Variants in NUP205 observed in about 807,000 individuals in gnomAD.
NUP205 encodes nuclear pore complex protein Nup205.
NUP205 carries 76 observed loss-of-function variants against 253.8 expected under a neutral mutation model. The observed-to-expected ratio is 0.30, with a 90% CI of 0.25 to 0.36. The LOEUF (loss-of-function observed/expected upper bound fraction) is 0.36, where lower values mean the gene tolerates loss of function less well. Among genes scored for constraint, NUP205 ranks in the 10% least tolerant of loss-of-function variants. The pLI is 1.00. For synonymous variants in NUP205, 832 were observed against 850.1 expected (o/e 0.98, Z 0.37); for missense variants, 2,162 against 2,425.5 (o/e 0.89, Z 2.28).
In NUP205 at chr7:135,573,748, A is replaced by G; in HGVS notation, c.266A>G (p.Gln89Arg). The G allele has an allele frequency of 6.2e-7, 1 of 1,613,978 alleles. No individual in the cohort carries two copies. The highest frequency in any genetic ancestry group is 1.1e-5 in the South Asian group (1 of 91,070). Residue 89 changes from glutamine (Q) to arginine (R), a missense_variant, in exon 3 of 43, where the codon CAG becomes CGG. Around this residue, in one of 5 missense-constraint regions of NUP205, gnomAD observed 109 missense variants for 131.8 expected, o/e 0.83. Coordinates refer to ENST00000285968, the MANE Select transcript of NUP205 (RefSeq NM_015135.3). ...CAGGGAACTCGACTTCTTCCTGAACAGCTCATTAAAGAAGCCTTTATTCTC... is the reference window on the plus strand; with the variant it reads ...CAGGGAACTCGACTTCTTCCTGAACGGCTCATTAAAGAAGCCTTTATTCTC... ...GQQGTRLLPEQLIKEAFILSD... is the reference protein window; with the variant it reads ...GQQGTRLLPERLIKEAFILSD...
intron 36 of NUP205, among the ~76,000 whole-genome samples, chr7:135,636,480 A>T (rs1180342002): frequency 6.6e-6 from 1 of 152,016 alleles, no homozygotes; most frequent in African/African-American, 2.4e-5. Context: ...AAAAGATTGT[A>T]CTCTCACCCA....
At chr7:135,576,232 G>A in intron 3 of NUP205, 38 bp from the exon 4 acceptor site, 2 of 1,584,096 alleles carry the variant, frequency 1.3e-6, no homozygotes, top group South Asian at 1.1e-5. Context: ...ACACATACGT[G>A]TTTATTAACA....
chr7:135,574,392 T>C (rs1470122001), intron 3 of NUP205, among the ~76,000 whole-genome samples: 5 of 152,164 alleles, frequency 3.3e-5, no homozygotes, highest in Non-Finnish European at 5.9e-5. Context: ...AGGTGGAGGC[T>C]GGCTAGTGCA....
At chr7:135,593,331 AGTTTTTT>A (rs1365700922) in intron 12 of NUP205, 139 bp downstream of exon 12, 2 of 769,452 alleles carry the variant, frequency 2.6e-6, no homozygotes, top group Non-Finnish European at 4.1e-6. Flanking sequence ...TCTGCCCTTA[AGTTTTTT>A]GTTTTTTGAC....
rs373590569 is a variant in NUP205 at position 135,570,052 on chromosome 7, T to TAGAG, written c.29-1013_29-1010dup. On this transcript the variant is annotated intron_variant, in intron 1 of 42. Transcript: ENST00000285968. ...TTTTATATATATATATATATATATATAGAGAGAGAGAGAGAGAGAGAGAGA... is the reference window on the plus strand; with the variant it reads ...TTTTATATATATATATATATATATATAGAGAGAGAGAGAGAGAGAGAGAGAGAGA... Among the ~76,000 whole-genome samples, 582 of 79,154 alleles carry TAGAG rather than the reference T, an allele frequency of 7.4e-3. 3 individuals are homozygous for TAGAG. Among genetic ancestry groups the TAGAG allele is most frequent in the African/African-American group, 0.014 (276 of 19,104 alleles). 51.9% of individuals were successfully genotyped at this position (79,154 alleles called of 152,430 possible).
intron 34 of NUP205, among the ~76,000 whole-genome samples, chr7:135,628,992 G>T (rs1794650523): frequency 6.6e-6 from 1 of 152,176 alleles, no homozygotes; most frequent in East Asian, 1.9e-4. Flanking sequence ...TTTAGTAGAA[G>T]TGGGACATTA....
At position 135,570,696 on chromosome 7, in the gene NUP205, A is replaced by AATTAATATAT. The variant is rs1554456424; in HGVS notation, c.29-403_29-402insATATATTAAT. Among the ~76,000 whole-genome samples the AATTAATATAT allele has an allele frequency of 2.3e-4, 12 of 52,492 alleles. 2 individuals are homozygous for AATTAATATAT. In the East Asian group the frequency reaches 8.1e-3, roughly 35 times the overall value. 34.4% of individuals were successfully genotyped at this position (52,492 alleles called of 152,430 possible). ...TAATATATATTAATTATATTAATAT[A>AATTAATATAT]ATTAATTATATTAATATAATTAATT... On this transcript the variant is annotated intron_variant, in intron 1 of 42. Transcript: ENST00000285968.
chr7:135,590,005 T>C (rs1283692539), intron 10 of NUP205, among the ~76,000 whole-genome samples: 2 of 151,338 alleles, frequency 1.3e-5, no homozygotes, highest in African/African-American at 4.9e-5. Flanking sequence ...ATTTGAAACA[T>C]GTGGAAGAGG....
intron 17 of NUP205, 33 bp from the exon 18 acceptor site, chr7:135,602,772 T>A: frequency 1.3e-6 from 2 of 1,539,518 alleles, no homozygotes; most frequent in Non-Finnish European, 1.8e-6. Context: ...TAAGATAAAT[T>A]TAGAACTTTC....
chr7:135,639,458 G>A (rs745950126), intron 38 of NUP205, among the ~76,000 whole-genome samples: 2 of 152,156 alleles, frequency 1.3e-5, no homozygotes, highest in Non-Finnish European at 2.9e-5. Context: ...GAGAGGCCGA[G>A]GCAGGCAGAT....
Position 135,594,745 on chromosome 7 carries a change from C to T in NUP205, c.2013+16C>T, listed in dbSNP as rs1470468876. On this transcript the variant is annotated intron_variant, in intron 13 of 42. Transcript: ENST00000285968. ...ATACACTCAGGTAGGGCTCTGAAGT[C>T]CCTTATTTATATTATCCCAATGTGG... The T allele has an allele frequency of 2.5e-6, 4 of 1,586,050 alleles. No individual in the cohort carries two copies. The Admixed American group carries it at 5.4e-5, about 21-fold the overall frequency.
intron 15 of NUP205, among the ~76,000 whole-genome samples, chr7:135,599,823 A>G (rs372349992): frequency 2.0e-5 from 3 of 152,166 alleles, no homozygotes; most frequent in South Asian, 2.1e-4. Flanking sequence ...TCTAATTTAT[A>G]TGACTATTTT....
intron 36 of NUP205, 62 bp downstream of exon 36, chr7:135,635,719 C>T: frequency 1.1e-6 from 1 of 916,962 alleles, no homozygotes; most frequent in Non-Finnish European, 1.7e-6. Context: ...ATACCATCCT[C>T]CCCATTGTGC....
At chr7:135,601,646 A>T in intron 17 of NUP205, 139 bp downstream of exon 17, 1 of 893,916 alleles carries the variant, frequency 1.1e-6, no homozygotes, top group Non-Finnish European at 1.7e-6. Flanking sequence ...TGGTGTTTTC[A>T]GTGAATCATT....
chr7:135,643,066 G>C (rs917077318), intron 38 of NUP205, 126 bp from the exon 39 acceptor site: 2 of 776,538 alleles, frequency 2.6e-6, no homozygotes, highest in Non-Finnish European at 4.1e-6. Context: ...GTAATCTTGG[G>C]TTGGTTTTAA....
intron 22 of NUP205, among the ~76,000 whole-genome samples, chr7:135,611,908 A>G (rs1794248437): frequency 1.3e-5 from 2 of 152,218 alleles, no homozygotes; most frequent in East Asian, 3.9e-4. Flanking sequence ...AGGTCAGGAG[A>G]TCAAGACCAT....
chr7:135,560,494 G>A (rs995390781), intron 1 of NUP205, among the ~76,000 whole-genome samples: 4 of 152,268 alleles, frequency 2.6e-5, no homozygotes, highest in East Asian at 1.9e-4. Context: ...AAAACTAAAC[G>A]TCTTAGGGAA....
In NUP205 at chr7:135,571,097, TC is replaced by T; in HGVS notation, c.29-7del. 1.3e-6 allele frequency: 2 copies of T among 1,540,414 alleles called. No homozygotes were observed. Among genetic ancestry groups the T allele is most frequent in the Non-Finnish European group, 1.7e-6 (2 of 1,142,940 alleles). ...TTTGACGGTGGTTTCATTTATTTTT[TC>T]TTTAAGCTGCTAGTCTATGGGGTCC... On this transcript the variant is annotated splice_region_variant and splice_polypyrimidine_tract_variant and intron_variant, in intron 1 of 42. Coordinates refer to ENST00000285968, the MANE Select transcript of NUP205 (RefSeq NM_015135.3).
intron 7 of NUP205, among the ~76,000 whole-genome samples, chr7:135,581,667 C>A (rs906822401): frequency 2.0e-5 from 3 of 151,902 alleles, no homozygotes; most frequent in Non-Finnish European, 4.4e-5. Flanking sequence ...GACTGGCGAA[C>A]GTGGTAAAAG....
Sources: allele counts gnomAD v4.1 joint callset (sites outside exome capture counted in the v4.1 genomes callset), GRCh38; gene constraint gnomAD v4.1.1; regional missense constraint gnomAD v4.1.1; transcripts MANE v1.5; gene names NCBI Gene and HGNC (gene_info 2026-07-23, HGNC 2026-07-21).